Variants in SLC22A3 observed in about 807,000 individuals in gnomAD.
SLC22A3 encodes the protein EMT organic cation transporter 3.
SLC22A3 carries 51 observed loss-of-function variants against 59.1 expected under a neutral mutation model. The observed-to-expected ratio is 0.86, with a 90% confidence interval of 0.69 to 1.09. SLC22A3 has a LOEUF of 1.09. SLC22A3 is among the 50% of genes least tolerant of loss of function. SLC22A3 has a pLI of 0.00. For missense variants in SLC22A3, 711 were observed against 726.3 expected (o/e 0.98, Z 0.24); for synonymous variants, 325 against 292.0 (o/e 1.11, Z -1.15).
chr6:160,401,039 C>T (rs1169670509), intron 2 of SLC22A3, among the ~76,000 whole-genome samples: 1 of 126,586 alleles, frequency 7.9e-6, no homozygotes, highest in East Asian at 2.2e-4. Flanking sequence ...CCTGAAAAAG[C>T]AGAACAGAAT....
chr6:160,445,883 G>C (rs191481811), intron 9 of SLC22A3, among the ~76,000 whole-genome samples: 114 of 152,340 alleles, frequency 7.5e-4, no homozygotes, highest in African/African-American at 2.6e-3. Context: ...AGTGGAAATA[G>C]AAACCAGCAG....
At chr6:160,365,829 C>T (rs932305092) in intron 1 of SLC22A3, among the ~76,000 whole-genome samples, 1 of 152,088 alleles carries the variant, frequency 6.6e-6, no homozygotes, top group Non-Finnish European at 1.5e-5. Context: ...CCTCAGGAAG[C>T]TTACGATCAC....
At position 160,404,196 on chromosome 6, in the gene SLC22A3, CAA is replaced by C. The variant is rs200001903; in HGVS notation, c.534-2844_534-2843del. On this transcript the variant is annotated intron_variant, in intron 2 of 10. Coordinates refer to ENST00000275300, the MANE Select transcript of SLC22A3 (RefSeq NM_021977.4). ...AAATCAAAAGAATTAACAACAACAA[CAA>C]CCAAAAAAAAAAACTCCTGAAACTA... 0.024 allele frequency among the ~76,000 whole-genome samples: 1,099 copies of C among 45,786 alleles called. 14 individuals carry two copies. The East Asian group carries it at 0.4, about 16-fold the overall frequency. 30.0% of individuals were successfully genotyped at this position (45,786 alleles called of 152,430 possible). A position where few individuals can be genotyped will look rare whatever the true frequency, so the allele number is the denominator to read the frequency against.
Position 160,348,762 on chromosome 6 carries a change from G to A in SLC22A3, c.343G>A (p.Ala115Thr), listed in dbSNP as rs1248402825. Reference sequence around the variant, plus strand: ...CGCTCTCAGCTGCGCGGACCCACTCGCCGCCTTCCCCAACCGCTCGGCTCC... The same window carrying A: ...CGCTCTCAGCTGCGCGGACCCACTCACCGCCTTCCCCAACCGCTCGGCTCC... ...TSALSCADPL[A>T]AFPNRSAPLV... Residue 115 changes from alanine to threonine, a missense_variant, in exon 1 of 11, where the codon GCC becomes ACC. By Grantham distance (58) the Ala-to-Thr change is moderately conservative. Coordinates refer to ENST00000275300, the MANE Select transcript of SLC22A3 (RefSeq NM_021977.4). 3 of 1,543,100 alleles carry A rather than the reference G, an allele frequency of 1.9e-6. No individual in the cohort carries two copies. In the South Asian group the frequency reaches 3.6e-5, roughly 18 times the overall value.
At chr6:160,384,470 C>T (rs1287513601) in intron 1 of SLC22A3, among the ~76,000 whole-genome samples, 2 of 152,174 alleles carry the variant, frequency 1.3e-5, no homozygotes, top group African/African-American at 4.8e-5. Context: ...AAACTGGAAT[C>T]TCACACTAAG....
rs150765450 is a variant in SLC22A3, at chr6:160,374,162, C to T, written c.430-23817C>T. Among the ~76,000 whole-genome samples the T allele has an allele frequency of 5.9e-5, 9 of 152,370 alleles. No homozygotes were observed. In the East Asian group the frequency reaches 1.7e-3, roughly 29 times the overall value. On this transcript the variant is annotated intron_variant, in intron 1 of 10. Coordinates refer to ENST00000275300, the MANE Select transcript of SLC22A3 (RefSeq NM_021977.4). ...TAGGCACCCGAGGGAATCTCCTGAT[C>T]TGCACGTTGTGAAGACCATGGGAAA...
intron 1 of SLC22A3, among the ~76,000 whole-genome samples, chr6:160,378,724 C>A (rs1386195885): frequency 6.6e-6 from 1 of 152,122 alleles, no homozygotes; most frequent in Admixed American, 6.5e-5. Context: ...TTAGCCCAGC[C>A]TACTTTAAAT....
intron 2 of SLC22A3, among the ~76,000 whole-genome samples, chr6:160,399,693 T>C (rs1276710057): frequency 6.6e-6 from 1 of 152,140 alleles, no homozygotes; most frequent in African/African-American, 2.4e-5. Flanking sequence ...GAGAGTACAG[T>C]GTAGGAAGGG....
chr6:160,443,672 G>A lies in SLC22A3; in HGVS notation c.1440G>A (p.Gly480=), dbSNP rs971666104. ...VSLCSGLCDF[G]GIIAPFLLFR... ...TCTGTTCAGGTCTGTGTGATTTTGG[G>A]GGAATCATAGCCCCATTTCTGCTCT... Residue 480 remains glycine, a synonymous_variant, in exon 9 of 11, where the codon GGG becomes GGA. Coordinates refer to ENST00000275300, the MANE Select transcript of SLC22A3 (RefSeq NM_021977.4). The A allele has an allele frequency of 1.2e-6, 2 of 1,613,844 alleles. No homozygotes were observed. The highest frequency in any genetic ancestry group is 2.7e-5 in the African/African-American group (2 of 74,912).
intron 1 of SLC22A3, among the ~76,000 whole-genome samples, chr6:160,371,069 G>A (rs931989489): frequency 1.2e-4 from 19 of 152,116 alleles, no homozygotes; most frequent in South Asian, 8.3e-4. Flanking sequence ...TCTATTTCAC[G>A]TATCACATCA....
chr6:160,384,087 GACCA>G (rs1785900722), intron 1 of SLC22A3, among the ~76,000 whole-genome samples: 1 of 152,108 alleles, frequency 6.6e-6, no homozygotes. Context: ...ACACCACCAG[GACCA>G]GCTAATTCTT....
chr6:160,349,586 C>T (rs947859230), intron 1 of SLC22A3, among the ~76,000 whole-genome samples: 1 of 152,212 alleles, frequency 6.6e-6, no homozygotes, highest in African/African-American at 2.4e-5. Flanking sequence ...GGCGGGTGGG[C>T]GGGGGCGATC....
At chr6:160,387,443 C>T (rs1786066282) in intron 1 of SLC22A3, among the ~76,000 whole-genome samples, 1 of 152,176 alleles carries the variant, frequency 6.6e-6, no homozygotes, top group African/African-American at 2.4e-5. Context: ...TACTGCACAG[C>T]AAGAGGGGCT....
At chr6:160,370,826 G>A (rs574691748) in intron 1 of SLC22A3, among the ~76,000 whole-genome samples, 1 of 152,138 alleles carries the variant, frequency 6.6e-6, no homozygotes, top group Admixed American at 6.6e-5. Flanking sequence ...TTATCATTAA[G>A]TTTTTAAGTC....
At chr6:160,363,713 C>A (rs368278492) in intron 1 of SLC22A3, among the ~76,000 whole-genome samples, 1 of 152,164 alleles carries the variant, frequency 6.6e-6, no homozygotes, top group East Asian at 1.9e-4. Flanking sequence ...GTCTTGCATC[C>A]CCTGCCACCA....
At chr6:160,419,576 G>GATT (rs1787645041) in intron 5 of SLC22A3, among the ~76,000 whole-genome samples, 1 of 152,224 alleles carries the variant, frequency 6.6e-6, no homozygotes, top group South Asian at 2.1e-4. Flanking sequence ...GAATGAGAAA[G>GATT]ATTGAGTCTC....
intron 5 of SLC22A3, among the ~76,000 whole-genome samples, chr6:160,433,548 A>ACTG (rs1788231618): frequency 4.6e-5 from 7 of 151,190 alleles, no homozygotes; most frequent in African/African-American, 1.2e-4. Flanking sequence ...TACTACTACT[A>ACTG]CTGCTACTAA....
At chr6:160,362,146 G>A (rs1562468307) in intron 1 of SLC22A3, among the ~76,000 whole-genome samples, 1 of 152,222 alleles carries the variant, frequency 6.6e-6, no homozygotes, top group East Asian at 1.9e-4. Flanking sequence ...GATTTCAGGG[G>A]TCACCCAGGG....
intron 9 of SLC22A3, among the ~76,000 whole-genome samples, chr6:160,445,273 T>C (rs965551401): frequency 6.6e-6 from 1 of 151,914 alleles, no homozygotes; most frequent in African/African-American, 2.4e-5. Context: ...CTCCAGGCAG[T>C]GGAAAGTTCA....
Sources: gnomAD v4.1 joint callset for allele counts (sites outside exome capture counted in the v4.1 genomes callset) on GRCh38, gnomAD v4.1.1 for gene constraint, MANE v1.5 for transcripts, NCBI Gene and HGNC (gene_info 2026-07-23, HGNC 2026-07-21) for gene names.